The following INSL6 variants were observed in gnomAD, a reference collection of about 807,000 sequenced individuals.
The protein encoded by INSL6 is insulin-like peptide INSL6.
A neutral mutation model predicts 9.4 loss-of-function variants in INSL6; 16 were observed. The ratio of observed to expected loss-of-function variants is 1.70; its 90% confidence interval spans 1.15 to 2.59. The LOEUF is 2.59. Ranked by LOEUF, INSL6 falls within the 30% of genes most tolerant of loss-of-function variation. INSL6 has a pLI of 0.00. For missense variants in INSL6, 391 were observed against 257.3 expected, an observed-to-expected ratio of 1.52 and a Z score of -3.56; for synonymous variants, 154 against 96.9, an observed-to-expected ratio of 1.59 and a Z score of -3.46.
intron 1 of INSL6, among the ~76,000 whole-genome samples, chr9:5,176,806 T>TTG (rs1825319602): frequency 1.3e-5 from 2 of 151,920 alleles, no homozygotes; most frequent in African/African-American, 4.8e-5. Flanking sequence ...ATCAACAAAC[T>TTG]ATTAGAACTA....
chr9:5,061,660 TATC>T, the INSL6 span, among the ~76,000 whole-genome samples: 1 of 152,264 alleles, frequency 6.6e-6, no homozygotes, highest in African/African-American at 2.4e-5. Context: ...ACTTTCTCTG[TATC>T]ATCAATAAGG....
At chr9:5,073,736 T>C in the INSL6 span, 1 of 1,612,668 alleles carries the variant, frequency 6.2e-7, no homozygotes, top group Non-Finnish European at 8.5e-7. Flanking sequence ...GCAAGCTTTC[T>C]CACAAGCATT....
At chr9:5,164,400 G>C in intron 1 of INSL6, 135 bp from the exon 2 acceptor site, 1 of 628,336 alleles carries the variant, frequency 1.6e-6, no homozygotes, top group Non-Finnish European at 2.7e-6. Flanking sequence ...GGAAAGTATG[G>C]TTATTCAAAA....
chr9:5,007,881 C>G, the INSL6 span, among the ~76,000 whole-genome samples: 1 of 152,056 alleles, frequency 6.6e-6, no homozygotes, highest in East Asian at 1.9e-4. Context: ...GCACGTGCCA[C>G]CACGCCTGGC....
chr9:5,091,030 A>T, the INSL6 span: 3 of 780,120 alleles, frequency 3.8e-6, no homozygotes, highest in East Asian at 8.5e-5. Context: ...TAAGTCTTTT[A>T]AGTCTTACAT....
At chr9:5,083,506 A>G in the INSL6 span, among the ~76,000 whole-genome samples, 1 of 152,216 alleles carries the variant, frequency 6.6e-6, no homozygotes, top group African/African-American at 2.4e-5. Context: ...CTGGGAACTT[A>G]TAGCATTTAT....
rs571656162 is a variant in INSL6 at position 5,131,086 on chromosome 9, T to C, written c.*10+2339A>G. On this transcript the variant is annotated intron_variant, in intron 3 of 3. Coordinates refer to the INSL6 transcript ENST00000649639. ...AGATTGTGAGTTGGAATTTATTTAC[T>C]GAAATGAAAAACAATGAAGTTAAAG... Among the ~76,000 whole-genome samples, 450 of 152,270 alleles carry C rather than the reference T, an allele frequency of 3.0e-3. 1 individual carries two copies. The highest frequency in any genetic ancestry group is 0.011 in the African/African-American group (441 of 41,542).
chr9:5,126,213 G>A (rs1823983871), intron 3 of INSL6: 1 of 628,268 alleles, frequency 1.6e-6, no homozygotes, highest in East Asian at 2.9e-5. Flanking sequence ...TTTTGAAAAG[G>A]TTTGAAAACA....
At chr9:5,179,235 T>C (rs1339067030) in intron 1 of INSL6, among the ~76,000 whole-genome samples, 5 of 152,042 alleles carry the variant, frequency 3.3e-5, no homozygotes, top group South Asian at 2.1e-4. Context: ...AGAAGACATA[T>C]ATGTGGCCAA....
At chr9:5,029,657 C>A in the INSL6 span, 3 of 758,720 alleles carry the variant, frequency 4.0e-6, no homozygotes, top group African/African-American at 3.5e-5. Flanking sequence ...CAAAAGATTT[C>A]GACTGCTATT....
chr9:5,120,318 C>T (rs190235294), downstream of INSL6, among the ~76,000 whole-genome samples: 551 of 152,338 alleles, frequency 3.6e-3, 3 homozygotes, highest in African/African-American at 0.013. Flanking sequence ...CTGTTAATAC[C>T]ATCACATTAA....
intron 2 of INSL6, among the ~76,000 whole-genome samples, chr9:5,134,361 G>A (rs1282772050): frequency 3.3e-5 from 5 of 152,072 alleles, no homozygotes; most frequent in Non-Finnish European, 1.5e-5. Context: ...GATACTCCTC[G>A]AGAAGAGCAA....
the INSL6 span, among the ~76,000 whole-genome samples, chr9:5,042,355 T>C: frequency 2.0e-5 from 3 of 151,712 alleles, no homozygotes; most frequent in Non-Finnish European, 4.4e-5. Flanking sequence ...GCCAGGATGG[T>C]CTCGATCTCC....
chr9:5,125,777 T>A (rs980292501), intron 3 of INSL6, among the ~76,000 whole-genome samples: 1 of 151,586 alleles, frequency 6.6e-6, no homozygotes, highest in African/African-American at 2.4e-5. Flanking sequence ...AGGGTGGGTA[T>A]GTATATATGT....
the INSL6 span, chr9:5,085,674 G>T: frequency 1.4e-6 from 1 of 732,874 alleles, no homozygotes; most frequent in Non-Finnish European, 2.5e-6. Flanking sequence ...TCGAGAACGT[G>T]CATTATCAAT....
At chr9:5,037,350 T>A in the INSL6 span, among the ~76,000 whole-genome samples, 4 of 152,186 alleles carry the variant, frequency 2.6e-5, no homozygotes, top group Admixed American at 1.3e-4. Context: ...AGCCATCCCA[T>A]TACTGGGTAT....
chr9:5,113,780 T>TG, the INSL6 span: 1 of 164,758 alleles, frequency 6.1e-6, no homozygotes, highest in Non-Finnish European at 1.3e-5. Context: ...CTCGGGTGCG[T>TG]GGGCCAAACG....
At chr9:5,093,508 T>TA in the INSL6 span, among the ~76,000 whole-genome samples, 1 of 152,224 alleles carries the variant, frequency 6.6e-6, no homozygotes, top group Non-Finnish European at 1.5e-5. Context: ...GAGGAGCTTA[T>TA]AAGCAAATAA....
the INSL6 span, among the ~76,000 whole-genome samples, chr9:5,063,855 A>G: frequency 3.3e-5 from 5 of 152,324 alleles, no homozygotes; most frequent in Middle Eastern, 3.4e-3. Flanking sequence ...ACATGTTCAC[A>G]TATGTATTAA....
Sources: allele counts gnomAD v4.1 joint callset (sites outside exome capture counted in the v4.1 genomes callset), GRCh38; gene constraint gnomAD v4.1.1; transcripts MANE v1.5; gene names NCBI Gene and HGNC (gene_info 2026-07-23, HGNC 2026-07-21).